The following CDK5RAP1 variants were observed in gnomAD, a reference collection of about 807,000 sequenced individuals.
CDK5RAP1 encodes the protein CDK5RAP1 mitochondrial tRNA methylthiotransferase.
Under a neutral mutation model 64.5 loss-of-function variants are expected in CDK5RAP1, and 62 were observed. The ratio of observed to expected loss-of-function variants is 0.96; its 90% CI spans 0.78 to 1.19. The LOEUF (loss-of-function observed/expected upper bound fraction) is 1.19. CDK5RAP1 is among the 50% of genes most tolerant of loss of function. The pLI is 0.00. For missense variants in CDK5RAP1, 657 were observed against 735.0 expected (o/e 0.89, Z 1.23); for synonymous variants, 250 against 261.9 (o/e 0.95, Z 0.44).
intron 7 of CDK5RAP1, among the ~76,000 whole-genome samples, chr20:33,382,593 A>G (rs997917253): frequency 1.3e-5 from 2 of 152,238 alleles, no homozygotes; most frequent in Non-Finnish European, 2.9e-5. Flanking sequence ...AAGCAGGAGA[A>G]TCACATGAAC....
rs17124646 is a variant in CDK5RAP1 at position 33,360,140 on chromosome 20, G to A, written c.1683+211C>T. On this transcript the variant is annotated intron_variant, in intron 13 of 13. Coordinates refer to ENST00000346416, the MANE Select transcript of CDK5RAP1 (RefSeq NM_016408.4). ...AACTCACCAAATTCCCACAAAGAAC[G>A]CTTCCAGGGCAGGAGAATAGGTAAG... 8,447 of 550,094 alleles carry A rather than the reference G, an allele frequency of 0.015. 589 individuals are homozygous for A. The Admixed American group carries it at 0.17, about 11-fold the overall frequency. The allele number at this position is 550,094 out of a possible 1,614,324, so 34.1% of individuals were successfully genotyped here.
intron 5 of CDK5RAP1, among the ~76,000 whole-genome samples, chr20:33,389,333 A>C (rs1987962380): frequency 6.8e-6 from 1 of 147,766 alleles, no homozygotes; most frequent in African/African-American, 2.5e-5. Flanking sequence ...AGAAGTGAGG[A>C]GCCCCTCCGC....
intron 12 of CDK5RAP1, among the ~76,000 whole-genome samples, chr20:33,362,231 T>C (rs1428774993): frequency 6.6e-6 from 1 of 151,902 alleles, no homozygotes; most frequent in African/African-American, 2.4e-5. Context: ...CCCAGCCACA[T>C]CAAATTCCTA....
intron 7 of CDK5RAP1, among the ~76,000 whole-genome samples, chr20:33,380,676 T>C (rs1986636842): frequency 6.6e-6 from 1 of 152,208 alleles, no homozygotes; most frequent in Non-Finnish European, 1.5e-5. Context: ...CACGTTTTTC[T>C]ATTATACTAG....
intron 12 of CDK5RAP1, among the ~76,000 whole-genome samples, chr20:33,362,648 A>C (rs1007805079): frequency 1.3e-5 from 2 of 152,186 alleles, no homozygotes; most frequent in African/African-American, 4.8e-5. Context: ...CAAAAATAAC[A>C]ATGATTTAGG....
intron 7 of CDK5RAP1, among the ~76,000 whole-genome samples, chr20:33,382,036 C>T (rs1986818108): frequency 6.6e-6 from 1 of 152,026 alleles, no homozygotes. Flanking sequence ...GAGACAGCAG[C>T]TCCCAGTGTT....
intron 8 of CDK5RAP1, among the ~76,000 whole-genome samples, 181 bp downstream of exon 8, chr20:33,379,280 G>A (rs1021990405): frequency 2.0e-5 from 3 of 152,012 alleles, no homozygotes; most frequent in Non-Finnish European, 1.5e-5. Context: ...TGTAAGCCCC[G>A]TGCCCAGCCA....
chr20:33,364,864 G>A (rs1397996546), intron 12 of CDK5RAP1, among the ~76,000 whole-genome samples: 1 of 150,570 alleles, frequency 6.6e-6, no homozygotes, highest in African/African-American at 2.4e-5. Context: ...ATGAGCCACC[G>A]TGACCAGCCT....
chr20:33,360,465 CAGGTCAGTG>C lies in CDK5RAP1; in HGVS notation c.1560_1568del (p.Thr521_Leu523del). The stretch of plus-strand genomic sequence containing the variant: ...TAAGGTTTCCATCATTCCTGCCACA[CAGGTCAGTG>C]GCAGAGCGTTTACTGAGCTGCAGAA... On this transcript the variant is annotated inframe_deletion, in exon 13 of 14. Transcript: ENST00000346416. The C allele has an allele frequency of 6.2e-7, 1 of 1,613,036 alleles. No homozygotes were observed. The highest frequency in any genetic ancestry group is 1.1e-5 in the South Asian group (1 of 90,952).
chr20:33,389,840 C>A (rs1344264711), intron 5 of CDK5RAP1, among the ~76,000 whole-genome samples: 1 of 151,908 alleles, frequency 6.6e-6, no homozygotes, highest in African/African-American at 2.4e-5. Flanking sequence ...ACATAGGAGA[C>A]TCCATTTTGT....
At position 33,364,186 on chromosome 20, in the gene CDK5RAP1, AGC is replaced by A. The variant is rs368181570; in HGVS notation, c.1542+2671_1542+2672del. Among the ~76,000 whole-genome samples the A allele has an allele frequency of 1.2e-3, 149 of 129,020 alleles. 4 individuals are homozygous for A. The highest frequency in any genetic ancestry group is 1.2e-3 in the Non-Finnish European group (68 of 58,586). The allele number at this position is 129,020 out of a possible 152,430, so 84.6% of individuals were successfully genotyped here. A position where few individuals can be genotyped will look rare whatever the true frequency, so the allele number is the denominator to read the frequency against. The stretch of plus-strand genomic sequence containing the variant: ...ATACTGAAATATTTACTGAAGAAAT[AGC>A]TTTTTTTTTTTTTTTTTTGAGATGG... On this transcript the variant is annotated intron_variant, in intron 12 of 13. Coordinates refer to ENST00000346416, the MANE Select transcript of CDK5RAP1 (RefSeq NM_016408.4).
At chr20:33,365,255 A>G (rs1465772810) in intron 12 of CDK5RAP1, among the ~76,000 whole-genome samples, 2 of 151,576 alleles carry the variant, frequency 1.3e-5, no homozygotes, top group African/African-American at 2.4e-5. Context: ...ACTATTCTCT[A>G]TATGTTTTTT....
intron 11 of CDK5RAP1, among the ~76,000 whole-genome samples, chr20:33,368,459 ATTTTTTT>A (rs35954744): frequency 2.1e-4 from 14 of 67,566 alleles, no homozygotes; most frequent in Non-Finnish European, 3.4e-4. Context: ...CTCTCGGCTA[ATTTTTTT>A]TTTTTTTTTT....
intron 10 of CDK5RAP1, among the ~76,000 whole-genome samples, chr20:33,372,157 T>C (rs1200535416): frequency 6.6e-6 from 1 of 152,022 alleles, no homozygotes; most frequent in Non-Finnish European, 1.5e-5. Flanking sequence ...GCTTAAAGTA[T>C]TCTAACTCAA....
At chr20:33,400,605 T>C (rs1360234909) in intron 1 of CDK5RAP1, among the ~76,000 whole-genome samples, 1 of 152,142 alleles carries the variant, frequency 6.6e-6, no homozygotes, top group Non-Finnish European at 1.5e-5. Context: ...CCACACCCCC[T>C]TTCACAGAGA....
chr20:33,365,692 T>C lies in CDK5RAP1; in HGVS notation c.1542+1167A>G, dbSNP rs148858060. Reference sequence around the variant, plus strand: ...TTCTGACTCTGCCACACACTAGCTGTGTAACCTTAGGGAAGTTATGCTCTG... The same window carrying C: ...TTCTGACTCTGCCACACACTAGCTGCGTAACCTTAGGGAAGTTATGCTCTG... On this transcript the variant is annotated intron_variant, in intron 12 of 13. Transcript: ENST00000346416. Among the ~76,000 whole-genome samples the C allele has an allele frequency of 8.7e-3, 1,315 of 151,394 alleles. 11 individuals are homozygous for C. The highest frequency in any genetic ancestry group is 0.029 in the African/African-American group (1,200 of 41,198).
intron 8 of CDK5RAP1, 44 bp from the exon 9 acceptor site, chr20:33,374,256 A>C: frequency 7.8e-7 from 1 of 1,280,596 alleles, no homozygotes; most frequent in Non-Finnish European, 1.1e-6. Flanking sequence ...ATCTCACCAA[A>C]GAACCTTACA....
intron 12 of CDK5RAP1, among the ~76,000 whole-genome samples, chr20:33,361,181 C>T (rs916571410): frequency 6.6e-6 from 1 of 152,140 alleles, no homozygotes; most frequent in African/African-American, 2.4e-5. Flanking sequence ...CCCAATCACC[C>T]CTGCTTTCTG....
chr20:33,387,270 A>C, intron 6 of CDK5RAP1, 53 bp downstream of exon 6: 4 of 1,398,174 alleles, frequency 2.9e-6, no homozygotes, highest in Middle Eastern at 2.5e-4. Flanking sequence ...AAAAAAAAAA[A>C]AAGTGTGAAA....
Sources: gnomAD v4.1 joint callset for allele counts (sites outside exome capture counted in the v4.1 genomes callset) on GRCh38, gnomAD v4.1.1 for gene constraint, MANE v1.5 for transcripts, NCBI Gene and HGNC (gene_info 2026-07-23, HGNC 2026-07-21) for gene names.